Variants in PTPRD observed in about 807,000 individuals in gnomAD.
PTPRD encodes receptor-type tyrosine-protein phosphatase delta.
PTPRD carries 34 observed loss-of-function variants against 214.5 expected under a neutral mutation model. The observed-to-expected ratio is 0.16, with a 90% CI of 0.12 to 0.21. The LOEUF (loss-of-function observed/expected upper bound fraction) is 0.21, where lower values mean the gene tolerates loss of function less well. Among genes scored for constraint, PTPRD ranks in the 10% least tolerant of loss-of-function variants. The pLI is 1.00. For synonymous variants in PTPRD, 1,128 were observed against 845.7 expected, an observed-to-expected ratio of 1.33 and a Z score of -5.79; for missense variants, 2,545 against 2,398.7, an observed-to-expected ratio of 1.06 and a Z score of -1.27.
At chr9:9,959,892 T>C (rs1314324930) in intron 4 of PTPRD, among the ~76,000 whole-genome samples, 1 of 152,308 alleles carries the variant, frequency 6.6e-6, no homozygotes, top group East Asian at 1.9e-4. Flanking sequence ...TTTAGCATAA[T>C]ATATAGATGT....
intron 7 of PTPRD, among the ~76,000 whole-genome samples, chr9:9,587,601 T>C (rs934771923): frequency 1.3e-5 from 2 of 152,002 alleles, no homozygotes; most frequent in African/African-American, 4.8e-5. Flanking sequence ...AACTTCAGAG[T>C]ACATCATAAA....
intron 14 of PTPRD, among the ~76,000 whole-genome samples, chr9:8,558,991 C>T (rs113609033): frequency 0.017 from 2,621 of 151,690 alleles, 75 homozygotes; most frequent in African/African-American, 0.06. Context: ...AGTACAACTG[C>T]GTTTAAAATC....
At chr9:10,072,998 A>G (rs1427292629) in intron 3 of PTPRD, among the ~76,000 whole-genome samples, 2 of 152,118 alleles carry the variant, frequency 1.3e-5, no homozygotes, top group Non-Finnish European at 2.9e-5. Flanking sequence ...TTCAACTTAA[A>G]ATGAATGAGC....
At chr9:9,595,711 C>A (rs1479532682) in intron 7 of PTPRD, among the ~76,000 whole-genome samples, 1 of 151,728 alleles carries the variant, frequency 6.6e-6, no homozygotes, top group East Asian at 2.0e-4. Flanking sequence ...CCAAACATCG[C>A]ATGTTCTCAC....
At chr9:9,433,054 G>A (rs1016620935) in intron 8 of PTPRD, among the ~76,000 whole-genome samples, 2 of 152,144 alleles carry the variant, frequency 1.3e-5, no homozygotes, top group African/African-American at 4.8e-5. Context: ...GAGTGTGTGT[G>A]TTAGGAAGGG....
intron 44 of PTPRD, among the ~76,000 whole-genome samples, chr9:8,321,347 G>GACTC (rs1827248056): frequency 6.6e-6 from 1 of 151,104 alleles, no homozygotes; most frequent in Admixed American, 6.6e-5. Flanking sequence ...ACAGACATTG[G>GACTC]ACTCACAACT....
At chr9:8,783,722 A>G (rs900700735) in intron 11 of PTPRD, among the ~76,000 whole-genome samples, 4 of 152,292 alleles carry the variant, frequency 2.6e-5, no homozygotes, top group South Asian at 2.1e-4. Flanking sequence ...TTCCGTTTCA[A>G]TATTGCAGTA....
chr9:8,926,353 A>G (rs1044216187), intron 11 of PTPRD, among the ~76,000 whole-genome samples: 2 of 152,156 alleles, frequency 1.3e-5, no homozygotes, highest in Admixed American at 1.3e-4. Context: ...AAAAATGACA[A>G]TAGGAGTAAA....
At chr9:9,195,247 T>C (rs1316748968) in intron 9 of PTPRD, among the ~76,000 whole-genome samples, 1 of 152,030 alleles carries the variant, frequency 6.6e-6, no homozygotes, top group African/African-American at 2.4e-5. Flanking sequence ...TTATGTGGAA[T>C]CTCAATTTCA....
chr9:10,210,871 C>G (rs985637914), intron 3 of PTPRD, among the ~76,000 whole-genome samples: 11 of 139,954 alleles, frequency 7.9e-5, no homozygotes, highest in East Asian at 2.1e-4. Flanking sequence ...TCTGCTTGAA[C>G]AGCTGTGATG....
At chr9:8,953,329 TCTAC>T (rs1170029100) in intron 11 of PTPRD, among the ~76,000 whole-genome samples, 12 of 151,910 alleles carry the variant, frequency 7.9e-5, no homozygotes, top group African/African-American at 2.7e-4. Flanking sequence ...AAACTGGATC[TCTAC>T]CTATCATTAT....
At chr9:9,841,531 A>G (rs1390350000) in intron 5 of PTPRD, among the ~76,000 whole-genome samples, 1 of 152,168 alleles carries the variant, frequency 6.6e-6, no homozygotes, top group South Asian at 2.1e-4. Context: ...TTATTTTTAC[A>G]TATTTCTGTT....
At chr9:10,003,530 G>C (rs1329021676) in intron 4 of PTPRD, among the ~76,000 whole-genome samples, 1 of 151,554 alleles carries the variant, frequency 6.6e-6, no homozygotes. Flanking sequence ...ATAAGAGATA[G>C]TGAAACTAAA....
chr9:8,701,002 A>T (rs950159619), intron 12 of PTPRD: 2 of 151,962 alleles, frequency 1.3e-5, no homozygotes, highest in Non-Finnish European at 2.9e-5. Flanking sequence ...CTCTATTAAA[A>T]ATACAAAAAT....
At chr9:10,192,517 G>A (rs1421068254) in intron 3 of PTPRD, among the ~76,000 whole-genome samples, 1 of 142,202 alleles carries the variant, frequency 7.0e-6, no homozygotes, top group Admixed American at 7.2e-5. Flanking sequence ...AAATCTTATA[G>A]ACACAGACCA....
intron 10 of PTPRD, among the ~76,000 whole-genome samples, chr9:9,053,401 T>A (rs1328095568): frequency 6.6e-6 from 1 of 152,010 alleles, no homozygotes; most frequent in East Asian, 1.9e-4. Context: ...ATGATGATGA[T>A]GATGATGATA....
At chr9:9,971,331 C>T (rs375671946) in intron 4 of PTPRD, among the ~76,000 whole-genome samples, 14 of 151,924 alleles carry the variant, frequency 9.2e-5, no homozygotes, top group African/African-American at 2.9e-4. Context: ...AGGTGTTGAG[C>T]GGTATGGCTA....
At chr9:10,558,566 C>T (rs947157063) in intron 2 of PTPRD, among the ~76,000 whole-genome samples, 2 of 152,122 alleles carry the variant, frequency 1.3e-5, no homozygotes, top group Non-Finnish European at 1.5e-5. Context: ...AGCTACTTAA[C>T]ATTTCTCAGC....
intron 14 of PTPRD, among the ~76,000 whole-genome samples, chr9:8,544,978 G>GA (rs1036032658): frequency 4.2e-5 from 6 of 141,966 alleles, no homozygotes; most frequent in African/African-American, 1.3e-4. Flanking sequence ...CCTAAAACAT[G>GA]ATGACCAGGG....
Sources: gnomAD v4.1 joint callset for allele counts (sites outside exome capture counted in the v4.1 genomes callset) on GRCh38, gnomAD v4.1.1 for gene constraint, MANE v1.5 for transcripts, NCBI Gene and HGNC (gene_info 2026-07-23, HGNC 2026-07-21) for gene names.